Variants in PITPNC1 observed in about 807,000 individuals in gnomAD.
PITPNC1 encodes phosphatidylinositol transfer protein cytoplasmic 1, also known as cytoplasmic phosphatidylinositol transfer protein 1.
A neutral mutation model predicts 44.7 loss-of-function variants in PITPNC1; 18 were observed. That is an observed-to-expected ratio of 0.40 (90% CI 0.28 to 0.60). The LOEUF (loss-of-function observed/expected upper bound fraction) is 0.60, where lower values mean the gene tolerates loss of function less well. Ranked by LOEUF, PITPNC1 falls within the 20% of genes least tolerant of loss-of-function variation. The pLI, the probability that PITPNC1 is intolerant of heterozygous loss-of-function variation, is 0.39. For missense variants in PITPNC1, 290 were observed against 418.4 expected, an observed-to-expected ratio of 0.69 and a Z score of 2.68; for synonymous variants, 141 against 149.6, an observed-to-expected ratio of 0.94 and a Z score of 0.42.
rs867634083 is a variant in PITPNC1, at chr17:67,413,066, T to A, written c.48+34864T>A. On this transcript the variant is annotated intron_variant, in intron 1 of 8. Transcript: ENST00000581322. ...AGATAGGAATAGAAAGAGATTACAT[T>A]AGGAATTAAATTTCTTGTTCCTCTT... Among the ~76,000 whole-genome samples, 4 of 152,206 alleles carry A rather than the reference T, an allele frequency of 2.6e-5. 1 individual carries two copies. The highest frequency in any genetic ancestry group is 4.1e-4 in the South Asian group (2 of 4,832).
chr17:67,478,285 C>T (rs560158995), intron 1 of PITPNC1, among the ~76,000 whole-genome samples: 3 of 152,102 alleles, frequency 2.0e-5, no homozygotes, highest in East Asian at 3.8e-4. Context: ...AAAGGCTGTC[C>T]GTGGTCTTTT....
At chr17:67,535,334 T>G (rs1043541264) in intron 2 of PITPNC1, among the ~76,000 whole-genome samples, 4 of 152,198 alleles carry the variant, frequency 2.6e-5, no homozygotes, top group Non-Finnish European at 5.9e-5. Context: ...AAGTTTCTCC[T>G]CGGGGATCAC....
chr17:67,675,154 A>G (rs2042580499), intron 7 of PITPNC1, among the ~76,000 whole-genome samples: 1 of 152,100 alleles, frequency 6.6e-6, no homozygotes, highest in African/African-American at 2.4e-5. Flanking sequence ...GGAGAGAAAA[A>G]CTTCAAGGTA....
chr17:67,598,093 G>T (rs1264002489), intron 5 of PITPNC1, among the ~76,000 whole-genome samples: 1 of 151,924 alleles, frequency 6.6e-6, no homozygotes, highest in Non-Finnish European at 1.5e-5. Context: ...GTAGTGGTGC[G>T]TGCCCGTAAT....
intron 5 of PITPNC1, among the ~76,000 whole-genome samples, chr17:67,599,380 A>T (rs1341452450): frequency 2.0e-5 from 3 of 152,100 alleles, no homozygotes; most frequent in Admixed American, 2.0e-4. Flanking sequence ...GTAGTTTTGA[A>T]AGCATGAGAA....
chr17:67,589,860 C>T (rs1467547624), intron 5 of PITPNC1, among the ~76,000 whole-genome samples: 4 of 152,022 alleles, frequency 2.6e-5, no homozygotes, highest in African/African-American at 9.7e-5. Context: ...CCCAGCTACT[C>T]GGGAGGCTGA....
At chr17:67,430,771 T>A (rs2038844528) in intron 1 of PITPNC1, among the ~76,000 whole-genome samples, 1 of 150,710 alleles carries the variant, frequency 6.6e-6, no homozygotes, top group African/African-American at 2.4e-5. Context: ...CTGGGCAACA[T>A]AGTGAGACCC....
intron 5 of PITPNC1, among the ~76,000 whole-genome samples, chr17:67,610,269 G>A (rs780406721): frequency 2.0e-5 from 3 of 152,102 alleles, no homozygotes; most frequent in South Asian, 2.1e-4. Context: ...TGAAAGCACC[G>A]GAGGCACTAT....
At chr17:67,378,939 G>C (rs948946008) in intron 1 of PITPNC1, 9 of 983,282 alleles carry the variant, frequency 9.2e-6, no homozygotes, top group African/African-American at 1.8e-5. Flanking sequence ...CTGCCGGCTG[G>C]GGGCGCCGGG....
At position 67,552,402 on chromosome 17, in the gene PITPNC1, T is replaced by C. The variant is rs146525851; in HGVS notation, c.286+57T>C. The C allele has an allele frequency of 1.1e-3, 1,031 of 903,556 alleles. 7 individuals are homozygous for C. In the African/African-American group the frequency reaches 0.013, roughly 12 times the overall value. 56.0% of individuals were successfully genotyped at this position (903,556 alleles called of 1,614,324 possible). A position where few individuals can be genotyped will look rare whatever the true frequency, so the allele number is the denominator to read the frequency against. ...TAGTGAGTGCAAGGACATAGCATAG[T>C]TGAATTTCACTGATTTACAGTGGAT... On this transcript the variant is annotated intron_variant, in intron 3 of 8. Transcript: ENST00000581322.
At chr17:67,385,028 A>G (rs1488713155) in intron 1 of PITPNC1, among the ~76,000 whole-genome samples, 1 of 152,188 alleles carries the variant, frequency 6.6e-6, no homozygotes, top group East Asian at 1.9e-4. Flanking sequence ...TTCTGTTGAG[A>G]AGGGACCAAG....
At chr17:67,414,663 G>A (rs917674902) in intron 1 of PITPNC1, among the ~76,000 whole-genome samples, 1 of 152,052 alleles carries the variant, frequency 6.6e-6, no homozygotes, top group African/African-American at 2.4e-5. Context: ...GGTGTGCAAA[G>A]CCAAAAATAT....
chr17:67,432,059 T>C (rs1323626632), intron 1 of PITPNC1, among the ~76,000 whole-genome samples: 4 of 152,242 alleles, frequency 2.6e-5, no homozygotes, highest in African/African-American at 9.6e-5. Flanking sequence ...AAGAAAGGTT[T>C]ACCAGAATCT....
intron 1 of PITPNC1, among the ~76,000 whole-genome samples, chr17:67,438,933 T>C (rs1361373543): frequency 6.6e-6 from 1 of 152,246 alleles, no homozygotes; most frequent in Admixed American, 6.5e-5. Context: ...TGGCCTGTCC[T>C]GTAGAAAGGG....
At chr17:67,465,048 A>C (rs761046145) in intron 1 of PITPNC1, among the ~76,000 whole-genome samples, 12 of 152,172 alleles carry the variant, frequency 7.9e-5, no homozygotes, top group Non-Finnish European at 1.2e-4. Flanking sequence ...CACAACTCTC[A>C]CTTTTAATTG....
chr17:67,414,003 A>G (rs1284387395), intron 1 of PITPNC1, among the ~76,000 whole-genome samples: 1 of 152,170 alleles, frequency 6.6e-6, no homozygotes, highest in Non-Finnish European at 1.5e-5. Flanking sequence ...TGCTGATGAT[A>G]ACATGTTACC....
chr17:67,628,019 C>T (rs1340595996), intron 5 of PITPNC1, among the ~76,000 whole-genome samples: 4 of 151,344 alleles, frequency 2.6e-5, no homozygotes, highest in South Asian at 2.1e-4. Flanking sequence ...CTCTGCCTCC[C>T]GAGTTCAAGC....
chr17:67,645,398 G>C (rs1461753408), intron 6 of PITPNC1, among the ~76,000 whole-genome samples: 1 of 151,558 alleles, frequency 6.6e-6, no homozygotes, highest in African/African-American at 2.4e-5. Context: ...ACATTGAGGA[G>C]GAGCTCCTGG....
At chr17:67,624,673 C>G (rs994172002) in intron 5 of PITPNC1, among the ~76,000 whole-genome samples, 3 of 152,236 alleles carry the variant, frequency 2.0e-5, no homozygotes, top group African/African-American at 7.2e-5. Flanking sequence ...AGGCACCCGC[C>G]AATATGCCCA....
Sources: gnomAD v4.1 joint callset for allele counts (sites outside exome capture counted in the v4.1 genomes callset) on GRCh38, gnomAD v4.1.1 for gene constraint, MANE v1.5 for transcripts, NCBI Gene and HGNC (gene_info 2026-07-23, HGNC 2026-07-21) for gene names.